Variants in MYO1A observed in about 807,000 individuals in gnomAD.
The protein encoded by MYO1A is unconventional myosin-Ia.
In MYO1A, 127 loss-of-function variants were observed where a neutral mutation model predicts 138.5. The ratio of observed to expected loss-of-function variants is 0.92; its 90% CI spans 0.79 to 1.06. MYO1A has a LOEUF of 1.06. MYO1A is among the 50% of genes least tolerant of loss of function. The pLI is 0.00. For synonymous variants in MYO1A, 477 were observed against 497.5 expected (o/e 0.96, Z 0.55); for missense variants, 1,211 against 1,288.8 (o/e 0.94, Z 0.92).
chr12:57,032,450 G>A (rs2030331611), intron 22 of MYO1A, among the ~76,000 whole-genome samples: 1 of 152,214 alleles, frequency 6.6e-6, no homozygotes, highest in Non-Finnish European at 1.5e-5. Flanking sequence ...AATGGCATCT[G>A]CTGTGATGCA....
chr12:57,039,555 TA>T (rs1227433396), intron 14 of MYO1A: 1 of 458,618 alleles, frequency 2.2e-6, no homozygotes, highest in East Asian at 4.4e-5. Flanking sequence ...GAGGGAAGTG[TA>T]ACATGTTGAG....
chr12:57,047,795 C>A, intron 3 of MYO1A, 74 bp from the exon 4 acceptor site: 3 of 1,590,312 alleles, frequency 1.9e-6, no homozygotes, highest in East Asian at 2.3e-5. Flanking sequence ...ATCTCCAGCA[C>A]GCAGGTTCAT....
chr12:57,050,162 C>T (rs561697116), upstream of MYO1A: 2 of 152,394 alleles, frequency 1.3e-5, no homozygotes, highest in South Asian at 4.1e-4. Context: ...AAAGTCCAGA[C>T]TGTTCCTGCT....
intron 12 of MYO1A, 59 bp from the exon 13 acceptor site, chr12:57,041,556 C>T: frequency 6.9e-7 from 1 of 1,443,784 alleles, no homozygotes; most frequent in East Asian, 2.3e-5. Flanking sequence ...CAGGCCAGGT[C>T]CTTCTGGAGC....
At chr12:57,047,567 A>G (rs1457344033) in intron 4 of MYO1A, 60 bp downstream of exon 4, 8 of 1,583,386 alleles carry the variant, frequency 5.1e-6, no homozygotes, top group South Asian at 4.4e-5. Context: ...CTGGCTTGCA[A>G]AGAGACAAGG....
Position 57,039,277 on chromosome 12 carries a change from G to T in MYO1A, c.1270-3C>A. On this transcript the variant is annotated splice_polypyrimidine_tract_variant and splice_region_variant and intron_variant, in intron 14 of 27. Coordinates refer to ENST00000300119, the MANE Select transcript of MYO1A (RefSeq NM_005379.4). ...TCCACCTTTGTCCACGGTATGCCCT[G>T]GTCAGGGGAGACAACAAATTACAGG... The T allele has an allele frequency of 6.2e-7, 1 of 1,613,076 alleles. No individual in the cohort carries two copies. The highest frequency in any genetic ancestry group is 8.5e-7 in the Non-Finnish European group (1 of 1,179,070).
At chr12:57,029,022 A>C in intron 27 of MYO1A, 110 bp downstream of exon 27, 1 of 1,600,598 alleles carries the variant, frequency 6.2e-7, no homozygotes, top group South Asian at 1.1e-5. Flanking sequence ...AACACCTCCA[A>C]GCCCCGGCCT....
intron 22 of MYO1A, among the ~76,000 whole-genome samples, chr12:57,033,734 C>T (rs896550343): frequency 6.6e-6 from 1 of 152,158 alleles, no homozygotes; most frequent in Non-Finnish European, 1.5e-5. Context: ...TAAAAAATGA[C>T]TTGATTTTTG....
In MYO1A at chr12:57,037,820, T is replaced by C. The variant is rs200523202; in HGVS notation, c.1961+49A>G. The C allele has an allele frequency of 9.1e-5, 146 of 1,599,952 alleles. 1 individual carries two copies. In the East Asian group the frequency reaches 1.4e-3, roughly 15 times the overall value. The stretch of plus-strand genomic sequence containing the variant: ...CTCCAGGTCTCTTCCCCCAGAGATG[T>C]TTCCTGCACTGCCCTTTCCTGATGC... On this transcript the variant is annotated intron_variant, in intron 18 of 27. Coordinates refer to ENST00000300119, the MANE Select transcript of MYO1A (RefSeq NM_005379.4).
intron 25 of MYO1A, 72 bp from the exon 26 acceptor site, chr12:57,029,659 C>T (rs1410184111): frequency 1.2e-5 from 19 of 1,613,826 alleles, no homozygotes; most frequent in Non-Finnish European, 1.4e-5. Flanking sequence ...AGGGCGCAAA[C>T]ACAGCCTGCC....
In MYO1A at chr12:57,048,302, C is replaced by T. The variant is rs1237517091; in HGVS notation, c.22G>A (p.Val8Met). Residue 8 changes from valine (V) to methionine (M), a missense_variant, in exon 2 of 28, where the codon GTG becomes ATG. Transcript: ENST00000300119. The part of the protein sequence containing the change: MPLLEGS[V>M]GVEDLVLLEP... ...AGGAGGACAAGATCCTCCACCCCCA[C>T]AGAACCTTCCAGGAGAGGCATGTCC... is the stretch of plus-strand genomic sequence containing the variant. 15 of 1,614,158 alleles carry T rather than the reference C, an allele frequency of 9.3e-6. No homozygotes were observed. The highest frequency in any genetic ancestry group is 1.3e-5 in the African/African-American group (1 of 75,078).
Position 57,038,517 on chromosome 12 carries a change from G to C in MYO1A, c.1655C>G (p.Pro552Arg). Reference protein sequence around the residue: ...LLRSLFPEGNPKQASLKRPPT... With the variant: ...LLRSLFPEGNRKQASLKRPPT... ...GGGGCGTTTGAGAGATGCCTGCTTA[G>C]GATTGCCCTCAGGAAACAAGGACCG... Residue 552 changes from proline to arginine, a missense_variant, in exon 17 of 28, where the codon CCT becomes CGT. Physicochemically the swap from Pro to Arg is moderately radical, Grantham distance 103. Coordinates refer to ENST00000300119, the MANE Select transcript of MYO1A (RefSeq NM_005379.4). 6.2e-7 allele frequency: 1 copy of C among 1,614,206 alleles called. No individual in the cohort carries two copies. Among genetic ancestry groups the C allele is most frequent in the Non-Finnish European group, 8.5e-7 (1 of 1,180,040 alleles).
chr12:57,047,445 G>T, intron 4 of MYO1A, 38 bp from the exon 5 acceptor site: 1 of 1,590,804 alleles, frequency 6.3e-7, no homozygotes, highest in South Asian at 1.1e-5. Flanking sequence ...CCCCACCCAG[G>T]ACTAGCCCAT....
At position 57,032,098 on chromosome 12, in the gene MYO1A, G is replaced by A. The variant is rs118132158; in HGVS notation, c.2350-924C>T. Among the ~76,000 whole-genome samples, 60 of 152,322 alleles carry A rather than the reference G, an allele frequency of 3.9e-4. No individual in the cohort carries two copies. In the East Asian group the frequency reaches 0.01, roughly 26 times the overall value. On this transcript the variant is annotated intron_variant, in intron 22 of 27. Transcript: ENST00000300119. ...TTGACTCAACTCTGCCAACCTGGGAGATCAGCTCAAAGCCCTCCCTGATTC... is the reference window on the plus strand; with the variant it reads ...TTGACTCAACTCTGCCAACCTGGGAAATCAGCTCAAAGCCCTCCCTGATTC...
chr12:57,048,362 G>A lies in MYO1A; in HGVS notation c.-20-19C>T, dbSNP rs371966676. 11 of 1,433,092 alleles carry A rather than the reference G, an allele frequency of 7.7e-6. No homozygotes were observed. The highest frequency in any genetic ancestry group is 8.9e-6 in the Non-Finnish European group (9 of 1,016,798). The allele number at this position is 1,433,092 out of a possible 1,614,324, so 88.8% of individuals were successfully genotyped here. On this transcript the variant is annotated intron_variant, in intron 1 of 27. Coordinates refer to ENST00000300119, the MANE Select transcript of MYO1A (RefSeq NM_005379.4). ...ACTGATCCTGGGAATAAGAGGCACAGTTTGCTGATGTCCACTCAGCTTTAG... is the reference window on the plus strand; with the variant it reads ...ACTGATCCTGGGAATAAGAGGCACAATTTGCTGATGTCCACTCAGCTTTAG...
At chr12:57,034,780 C>T (rs980742055) in intron 22 of MYO1A, among the ~76,000 whole-genome samples, 4 of 152,044 alleles carry the variant, frequency 2.6e-5, no homozygotes, top group African/African-American at 9.7e-5. Flanking sequence ...ACCAGCCTGG[C>T]CAACATGGTG....
rs781131982 is a variant in MYO1A at position 57,047,674 on chromosome 12, C to G, written c.278G>C (p.Arg93Pro). 2 of 1,614,122 alleles carry G rather than the reference C, an allele frequency of 1.2e-6. No homozygotes were observed. Among genetic ancestry groups the G allele is most frequent in the African/African-American group, 2.7e-5 (2 of 74,954 alleles). The part of the protein sequence containing the change: ...VAYQSLRDRD[R>P]DQCILITGES... Reference sequence around the variant, plus strand: ...GCCTGTGATGAGGATACACTGGTCTCGGTCCCTGTCCCTCAGTGACTGGTA... The same window carrying G: ...GCCTGTGATGAGGATACACTGGTCTGGGTCCCTGTCCCTCAGTGACTGGTA... Residue 93 changes from arginine to proline, a missense_variant, in exon 4 of 28, where the codon CGA becomes CCA. Arg to Pro is a moderately radical substitution (Grantham distance 103). Coordinates refer to ENST00000300119, the MANE Select transcript of MYO1A (RefSeq NM_005379.4).
intron 12 of MYO1A, 73 bp from the exon 13 acceptor site, chr12:57,041,570 T>A: frequency 7.4e-7 from 1 of 1,354,230 alleles, no homozygotes; most frequent in Admixed American, 1.7e-5. Flanking sequence ...CTGGAGCGGA[T>A]GGGGTTGGAG....
At chr12:57,048,171 C>T in intron 2 of MYO1A, 39 bp downstream of exon 2, 1 of 1,595,312 alleles carries the variant, frequency 6.3e-7, no homozygotes, top group Non-Finnish European at 8.6e-7. Flanking sequence ...ACCTCTCCAG[C>T]CACATATCCA....
Sources: gnomAD v4.1 joint callset for allele counts (sites outside exome capture counted in the v4.1 genomes callset) on GRCh38, gnomAD v4.1.1 for gene constraint, MANE v1.5 for transcripts, NCBI Gene and HGNC (gene_info 2026-07-23, HGNC 2026-07-21) for gene names.